The following AUTS2 variants were observed in gnomAD, a reference collection of about 807,000 sequenced individuals.
AUTS2 encodes activator of transcription and developmental regulator AUTS2.
A neutral mutation model predicts 112.4 loss-of-function variants in AUTS2; 17 were observed. The observed-to-expected ratio is 0.15, with a 90% CI of 0.10 to 0.23. The LOEUF is 0.23. Among genes scored for constraint, AUTS2 ranks in the 10% least tolerant of loss-of-function variants. The pLI is 1.00. For missense variants in AUTS2, 1,510 were observed against 1,701.6 expected, an observed-to-expected ratio of 0.89 and a Z score of 1.98; for synonymous variants, 751 against 702.7, an observed-to-expected ratio of 1.07 and a Z score of -1.09.
intron 5 of AUTS2, among the ~76,000 whole-genome samples, chr7:70,683,740 C>T (rs1398152949): frequency 6.6e-6 from 1 of 152,212 alleles, no homozygotes; most frequent in Non-Finnish European, 1.5e-5. Context: ...CAGGCTTGCC[C>T]TGACCCTATG....
chr7:70,786,204 G>A (rs1265584162), intron 17 of AUTS2, among the ~76,000 whole-genome samples, 166 bp downstream of exon 17: 2 of 152,172 alleles, frequency 1.3e-5, no homozygotes, highest in Non-Finnish European at 2.9e-5. Flanking sequence ...GTGGAAGTGT[G>A]CAGAGCCACC....
At chr7:70,306,817 G>A (rs542462396) in intron 4 of AUTS2, among the ~76,000 whole-genome samples, 1 of 152,340 alleles carries the variant, frequency 6.6e-6, no homozygotes, top group South Asian at 2.1e-4. Context: ...TATTGAGAAA[G>A]AAATCTGCAA....
At chr7:69,862,252 A>G (rs1304345855) in intron 1 of AUTS2, among the ~76,000 whole-genome samples, 1 of 152,232 alleles carries the variant, frequency 6.6e-6, no homozygotes, top group Non-Finnish European at 1.5e-5. Flanking sequence ...TCATGCAGAT[A>G]TAAAATATCC....
intron 4 of AUTS2, among the ~76,000 whole-genome samples, chr7:70,160,595 A>G (rs1320021633): frequency 6.6e-6 from 1 of 152,176 alleles, no homozygotes; most frequent in African/African-American, 2.4e-5. Flanking sequence ...CTTTTCACAC[A>G]AGTGTAAGCT....
At chr7:69,942,087 C>T (rs879472579) in intron 2 of AUTS2, among the ~76,000 whole-genome samples, 17 of 152,150 alleles carry the variant, frequency 1.1e-4, no homozygotes, top group Non-Finnish European at 2.5e-4. Context: ...TATTGCACTT[C>T]AGACTTTTCA....
In AUTS2 at chr7:69,746,776, A is replaced by G. The variant is rs534087169; in HGVS notation, c.309+146814A>G. Among the ~76,000 whole-genome samples the G allele has an allele frequency of 4.6e-5, 7 of 152,188 alleles. 1 individual carries two copies. In the South Asian group the frequency reaches 1.5e-3, roughly 32 times the overall value. Reference sequence around the variant, plus strand: ...AGGACTTTGGCCTGTGCTCTGAATGAGGTGGGGCACTGTGGGCGAGGGCTG... The same window carrying G: ...AGGACTTTGGCCTGTGCTCTGAATGGGGTGGGGCACTGTGGGCGAGGGCTG... On this transcript the variant is annotated intron_variant, in intron 1 of 18. Transcript: ENST00000342771.
intron 4 of AUTS2, among the ~76,000 whole-genome samples, chr7:70,328,514 GC>G (rs1217797113): frequency 6.6e-6 from 1 of 152,084 alleles, no homozygotes; most frequent in African/African-American, 2.4e-5. Flanking sequence ...AAGCCGCCAT[GC>G]CCAGCAGAGT....
chr7:70,319,312 C>CA (rs1340864817), intron 4 of AUTS2, among the ~76,000 whole-genome samples: 1 of 152,034 alleles, frequency 6.6e-6, no homozygotes, highest in Non-Finnish European at 1.5e-5. Context: ...GGGATGCTGC[C>CA]AAATGTATCC....
chr7:69,759,342 T>C (rs559132665), intron 1 of AUTS2, among the ~76,000 whole-genome samples: 77 of 152,326 alleles, frequency 5.1e-4, no homozygotes, highest in African/African-American at 1.8e-3. Flanking sequence ...AATTCATTTA[T>C]GCCTCATACA....
chr7:70,379,032 A>G (rs1164983049), intron 4 of AUTS2, among the ~76,000 whole-genome samples: 1 of 152,126 alleles, frequency 6.6e-6, no homozygotes. Flanking sequence ...CACTGCTGTT[A>G]TGAATTTCAT....
chr7:70,232,742 C>T (rs930609711), intron 4 of AUTS2, among the ~76,000 whole-genome samples: 18 of 152,146 alleles, frequency 1.2e-4, no homozygotes, highest in Non-Finnish European at 1.8e-4. Flanking sequence ...CTGTCATTGT[C>T]ATGACAAGAG....
intron 1 of AUTS2, among the ~76,000 whole-genome samples, chr7:69,773,023 A>C (rs561041206): frequency 9.2e-4 from 140 of 152,356 alleles, no homozygotes; most frequent in African/African-American, 3.2e-3. Context: ...ACGGTATGTA[A>C]GAATGAGGAC....
intron 4 of AUTS2, among the ~76,000 whole-genome samples, chr7:70,239,434 T>A (rs1812491573): frequency 6.6e-6 from 1 of 151,162 alleles, no homozygotes. Flanking sequence ...TGCAACCTAA[T>A]TTTTTTTGTT....
At chr7:70,609,083 T>C (rs1219016274) in intron 5 of AUTS2, among the ~76,000 whole-genome samples, 2 of 152,206 alleles carry the variant, frequency 1.3e-5, no homozygotes, top group Non-Finnish European at 2.9e-5. Flanking sequence ...TTTTTTGTGA[T>C]GAGAACACTT....
intron 1 of AUTS2, among the ~76,000 whole-genome samples, chr7:69,671,381 G>C (rs1345618362): frequency 1.3e-5 from 2 of 152,084 alleles, no homozygotes; most frequent in Admixed American, 1.3e-4. Context: ...TTGTTGGAAA[G>C]ATTAAGAAAG....
chr7:69,674,407 G>A (rs1796465164), intron 1 of AUTS2, among the ~76,000 whole-genome samples: 1 of 152,048 alleles, frequency 6.6e-6, no homozygotes, highest in African/African-American at 2.4e-5. Flanking sequence ...TTGAGCTGTG[G>A]GACCTTAACT....
At chr7:70,268,283 C>A (rs569828627) in intron 4 of AUTS2, among the ~76,000 whole-genome samples, 1 of 152,226 alleles carries the variant, frequency 6.6e-6, no homozygotes, top group African/African-American at 2.4e-5. Flanking sequence ...TTGACTAAAT[C>A]GACTAGGAGT....
At chr7:70,447,621 G>A (rs918039211) in intron 5 of AUTS2, among the ~76,000 whole-genome samples, 1 of 152,196 alleles carries the variant, frequency 6.6e-6, no homozygotes, top group African/African-American at 2.4e-5. Flanking sequence ...CAGTGTGGCA[G>A]TGCTCTTAGC....
chr7:70,724,125 C>T (rs1786866259), intron 6 of AUTS2, among the ~76,000 whole-genome samples: 4 of 152,212 alleles, frequency 2.6e-5, no homozygotes. Context: ...CTCCTAGCCT[C>T]AGGTGATCCG....
Sources: allele counts gnomAD v4.1 joint callset (sites outside exome capture counted in the v4.1 genomes callset), GRCh38; gene constraint gnomAD v4.1.1; transcripts MANE v1.5; gene names NCBI Gene and HGNC (gene_info 2026-07-23, HGNC 2026-07-21).